The following PDGFC variants were observed in gnomAD, a reference collection of about 807,000 sequenced individuals.
The protein encoded by PDGFC is platelet derived growth factor C, also known as platelet-derived growth factor C.
A neutral mutation model predicts 35.5 loss-of-function variants in PDGFC; 12 were observed. The observed-to-expected ratio is 0.34, with a 90% CI of 0.22 to 0.55. PDGFC has a LOEUF of 0.55. Among genes scored for constraint, PDGFC ranks in the 20% least tolerant of loss-of-function variants. PDGFC has a pLI of 0.91. For missense variants in PDGFC, 322 were observed against 412.4 expected (o/e 0.78, Z 1.90); for synonymous variants, 159 against 148.8 (o/e 1.07, Z -0.50).
At chr4:156,891,798 G>C (rs1461365918) in intron 1 of PDGFC, among the ~76,000 whole-genome samples, 1 of 152,142 alleles carries the variant, frequency 6.6e-6, no homozygotes, top group African/African-American at 2.4e-5. Context: ...TGGCTTTATA[G>C]TAGAATAATT....
Position 156,761,180 on chromosome 4 carries a change from G to C in PDGFC, c.*1910C>G, listed in dbSNP as rs1437001329. ...AAAGGATGCTGAAGATACCAGCCCT[G>C]AATAGGAATCTATGTCTGGAACTGA... On this transcript the variant is annotated 3_prime_UTR_variant, in exon 6 of 6. Transcript: ENST00000502773. The C allele has an allele frequency of 6.6e-6, 1 of 152,240 alleles. No individual in the cohort carries two copies. Among genetic ancestry groups the C allele is most frequent in the East Asian group, 1.9e-4 (1 of 5,198 alleles). 9.4% of individuals were successfully genotyped at this position (152,240 alleles called of 1,614,324 possible).
intron 1 of PDGFC, among the ~76,000 whole-genome samples, chr4:156,856,034 A>G (rs1210829696): frequency 6.6e-6 from 1 of 152,138 alleles, no homozygotes; most frequent in African/African-American, 2.4e-5. Flanking sequence ...TTAATATTTT[A>G]AATTCTATTA....
intron 5 of PDGFC, among the ~76,000 whole-genome samples, chr4:156,765,654 T>C (rs1027754760): frequency 5.9e-5 from 9 of 152,130 alleles, no homozygotes; most frequent in African/African-American, 2.2e-4. Context: ...TGTAAAAATA[T>C]AAACAAGATG....
At chr4:156,864,198 G>A (rs562270291) in intron 1 of PDGFC, among the ~76,000 whole-genome samples, 10 of 152,218 alleles carry the variant, frequency 6.6e-5, no homozygotes, top group East Asian at 3.9e-4. Context: ...AAAGGGTAAT[G>A]TAAGGGTTGG....
At chr4:156,936,390 T>A (rs1411175782) in intron 1 of PDGFC, among the ~76,000 whole-genome samples, 2 of 152,146 alleles carry the variant, frequency 1.3e-5, no homozygotes, top group African/African-American at 4.8e-5. Flanking sequence ...ACCTCTCAAC[T>A]CATTCCTAAC....
At chr4:156,854,120 T>A (rs965186498) in intron 1 of PDGFC, among the ~76,000 whole-genome samples, 2 of 152,220 alleles carry the variant, frequency 1.3e-5, no homozygotes, top group Non-Finnish European at 2.9e-5. Context: ...GTACTTATAG[T>A]AATTTATAAA....
At chr4:156,924,662 C>T (rs1422496790) in intron 1 of PDGFC, among the ~76,000 whole-genome samples, 1 of 152,092 alleles carries the variant, frequency 6.6e-6, no homozygotes, top group African/African-American at 2.4e-5. Flanking sequence ...ATGAAGTAAC[C>T]AGTGAAGGGT....
intron 2 of PDGFC, among the ~76,000 whole-genome samples, chr4:156,820,255 C>T (rs1050588742): frequency 3.3e-5 from 5 of 152,148 alleles, no homozygotes; most frequent in Non-Finnish European, 7.3e-5. Flanking sequence ...AACTGACCTA[C>T]AATTGCAAAA....
At chr4:156,905,004 T>TGAGCTGATGGAAC (rs1433356107) in intron 1 of PDGFC, among the ~76,000 whole-genome samples, 2 of 152,088 alleles carry the variant, frequency 1.3e-5, no homozygotes, top group African/African-American at 4.8e-5. Context: ...AATTATCTTT[T>TGAGCTGATGGAAC]GAGCTGATGG....
intron 2 of PDGFC, among the ~76,000 whole-genome samples, chr4:156,820,084 T>C (rs1377219727): frequency 1.3e-5 from 2 of 152,166 alleles, no homozygotes; most frequent in African/African-American, 2.4e-5. Context: ...TGATAAACAT[T>C]GAATGAATGA....
In PDGFC at chr4:156,769,242, AATAATCACGAT is replaced by A. The variant is rs548045113; in HGVS notation, c.704-1263_704-1253del. Among the ~76,000 whole-genome samples, 348 of 152,050 alleles carry A rather than the reference AATAATCACGAT, an allele frequency of 2.3e-3. 2 individuals carry two copies. Among genetic ancestry groups the A allele is most frequent in the South Asian group, 0.022 (104 of 4,820 alleles). Reference sequence around the variant, plus strand: ...CTGGTTAAAGATGGCTTCAAGTAGAAATAATCACGATGTAATCCAATTTTTTAAATTAAAAG... The same window carrying A: ...CTGGTTAAAGATGGCTTCAAGTAGAAGTAATCCAATTTTTTAAATTAAAAG... On this transcript the variant is annotated intron_variant, in intron 4 of 5. Transcript: ENST00000502773.
At chr4:156,781,972 G>T (rs1730991956) in intron 3 of PDGFC, among the ~76,000 whole-genome samples, 1 of 152,140 alleles carries the variant, frequency 6.6e-6, no homozygotes, top group Non-Finnish European at 1.5e-5. Flanking sequence ...TATAGCTCAT[G>T]ATTGATGTTG....
intron 1 of PDGFC, among the ~76,000 whole-genome samples, chr4:156,868,414 C>T (rs925567715): frequency 2.0e-5 from 3 of 152,098 alleles, no homozygotes; most frequent in African/African-American, 4.8e-5. Flanking sequence ...GTGAACACTA[C>T]CCATTAAGGA....
intron 5 of PDGFC, among the ~76,000 whole-genome samples, chr4:156,765,279 G>T (rs1730492532): frequency 6.6e-6 from 1 of 152,124 alleles, no homozygotes; most frequent in African/African-American, 2.4e-5. Context: ...AAGAGGAAAA[G>T]GACATAGATT....
chr4:156,870,052 A>G (rs1413749413), intron 1 of PDGFC, among the ~76,000 whole-genome samples: 6 of 152,008 alleles, frequency 3.9e-5, no homozygotes, highest in East Asian at 1.9e-4. Context: ...GATTCTAAAT[A>G]TCACTTACTG....
intron 1 of PDGFC, among the ~76,000 whole-genome samples, chr4:156,911,009 T>C (rs1178584305): frequency 1.3e-5 from 2 of 152,194 alleles, no homozygotes; most frequent in East Asian, 3.8e-4. Flanking sequence ...TTTCATCCTC[T>C]TAACGCGGTG....
intron 1 of PDGFC, among the ~76,000 whole-genome samples, chr4:156,930,884 A>T (rs2110875621): frequency 6.6e-6 from 1 of 152,310 alleles, no homozygotes; most frequent in Non-Finnish European, 1.5e-5. Flanking sequence ...AATAAAAATA[A>T]AAATAAAAGA....
chr4:156,821,537 T>C (rs1331503824), intron 2 of PDGFC, among the ~76,000 whole-genome samples: 1 of 151,924 alleles, frequency 6.6e-6, no homozygotes, highest in Non-Finnish European at 1.5e-5. Context: ...CACCACTCTC[T>C]ACGTATATTT....
chr4:156,819,515 T>C (rs574329800), intron 2 of PDGFC, among the ~76,000 whole-genome samples: 3 of 152,348 alleles, frequency 2.0e-5, no homozygotes, highest in Non-Finnish European at 4.4e-5. Flanking sequence ...AAAGCCTGGA[T>C]GATGGCACAT....
Sources: allele counts gnomAD v4.1 joint callset (sites outside exome capture counted in the v4.1 genomes callset), GRCh38; gene constraint gnomAD v4.1.1; transcripts MANE v1.5; gene names NCBI Gene and HGNC (gene_info 2026-07-23, HGNC 2026-07-21).